IGFBPL1: variants seen among roughly 807,000 people sequenced by gnomAD.
IGFBPL1 encodes insulin-like growth factor-binding protein-like 1.
IGFBPL1 carries 20 observed loss-of-function variants against 23.9 expected under a neutral mutation model. That is an observed-to-expected ratio of 0.84 (90% CI 0.59 to 1.22). IGFBPL1 has a LOEUF of 1.22. Among genes scored for constraint, IGFBPL1 ranks in the 50% most tolerant of loss-of-function variants. The pLI, the probability that IGFBPL1 is intolerant of heterozygous loss-of-function variation, is 0.00. For missense variants in IGFBPL1, 436 were observed against 379.3 expected (o/e 1.15, Z -1.24); for synonymous variants, 184 against 171.8 (o/e 1.07, Z -0.56).
chr9:38,412,510 G>C (rs1385751492), intron 3 of IGFBPL1, among the ~76,000 whole-genome samples: 1 of 152,216 alleles, frequency 6.6e-6, no homozygotes, highest in Non-Finnish European at 1.5e-5. Context: ...AAGAGCTCTG[G>C]AGGAGGACTC....
Position 38,424,107 on chromosome 9 carries a change from G to A in IGFBPL1, c.318C>T (p.Cys106=), listed in dbSNP as rs112635150. 2.2e-6 allele frequency: 3 copies of A among 1,349,700 alleles called. No homozygotes were observed. The highest frequency in any genetic ancestry group is 2.9e-6 in the Non-Finnish European group (3 of 1,052,256). 83.6% of individuals were successfully genotyped at this position (1,349,700 alleles called of 1,614,324 possible). The change falls in exon 1 of 5, where the codon TGC becomes TGT. Residue 106 remains cysteine, a synonymous_variant. Transcript: ENST00000377694. Reference sequence around the variant, plus strand: ...AGACGGTGCCGCGCTGCGCGCACACGCAGAGCCCGGTGCCCTCGGGCGCTG... The same window carrying A: ...AGACGGTGCCGCGCTGCGCGCACACACAGAGCCCGGTGCCCTCGGGCGCTG... ...AGAAPEGTGL[C]VCAQRGTVCG... is the part of the protein sequence containing the mutation.
chr9:38,415,376 C>T (rs1221373332), intron 1 of IGFBPL1, among the ~76,000 whole-genome samples: 1 of 152,130 alleles, frequency 6.6e-6, no homozygotes, highest in African/African-American at 2.4e-5. Context: ...GATAAGGCTG[C>T]AATACAAAAG....
intron 3 of IGFBPL1, among the ~76,000 whole-genome samples, chr9:38,412,838 TCAGTCTG>T (rs1311037998): frequency 6.6e-6 from 1 of 152,178 alleles, no homozygotes; most frequent in Non-Finnish European, 1.5e-5. Flanking sequence ...TCGAATCACT[TCAGTCTG>T]CCTCTGACTC....
chr9:38,422,649 A>G (rs1821697351), intron 1 of IGFBPL1, among the ~76,000 whole-genome samples: 1 of 152,208 alleles, frequency 6.6e-6, no homozygotes, highest in Admixed American at 6.5e-5. Context: ...CAGCGGCAGC[A>G]CAGATGCACC....
intron 2 of IGFBPL1, 67 bp downstream of exon 2, chr9:38,414,025 CCT>C (rs72158244): frequency 0.28 from 243,383 of 883,678 alleles, 34,358 homozygotes; most frequent in African/African-American, 0.35. Context: ...TCTGTTTCTC[CCT>C]CTTTCTCACA....
chr9:38,416,863 G>T (rs1265047975), intron 1 of IGFBPL1, among the ~76,000 whole-genome samples: 6 of 147,648 alleles, frequency 4.1e-5, no homozygotes, highest in Non-Finnish European at 8.9e-5. Flanking sequence ...TTTTTTTTTT[G>T]TAGAGATGGG....
At chr9:38,418,897 A>AG (rs150420859) in intron 1 of IGFBPL1, among the ~76,000 whole-genome samples, 1,713 of 152,234 alleles carry the variant, frequency 0.011, 39 homozygotes, top group African/African-American at 0.039. Flanking sequence ...TCAAATGCCC[A>AG]GGGGTCTCGC....
rs1005580859 is a variant in IGFBPL1, at chr9:38,407,382, T to C, written c.*1845A>G. Among the ~76,000 whole-genome samples the C allele has an allele frequency of 2.0e-5, 3 of 152,230 alleles. No homozygotes were observed. Among genetic ancestry groups the C allele is most frequent in the Non-Finnish European group, 4.4e-5 (3 of 68,034 alleles). On this transcript the variant is annotated 3_prime_UTR_variant, in exon 5 of 5. Coordinates refer to ENST00000377694, the MANE Select transcript of IGFBPL1 (RefSeq NM_001007563.3). ...GGTCACACAGCGAGCCGGGGATTAA[T>C]ATGCAAATGGATCTCATGTTTCCAG...
In IGFBPL1 at chr9:38,413,326, C is replaced by T; in HGVS notation, c.598G>A (p.Ala200Thr). ...TGGTCCCCAGGCAGCTCCTCCAGTG[C>T]TTGGGTGCCCTCAGGGGACTTCGTG... The part of the protein sequence containing the change: ...KVTKSPEGTQ[A>T]LEELPGDHVN... Residue 200 changes from alanine (A) to threonine (T), a missense_variant, in exon 3 of 5, where the codon GCA becomes ACA. Physicochemically the swap from Ala to Thr is moderately conservative, Grantham distance 58. Transcript: ENST00000377694. 6.2e-7 allele frequency: 1 copy of T among 1,613,740 alleles called. No individual in the cohort carries two copies. Among genetic ancestry groups the T allele is most frequent in the Non-Finnish European group, 8.5e-7 (1 of 1,179,812 alleles).
chr9:38,411,544 G>A lies in IGFBPL1; in HGVS notation c.693C>T (p.Asn231=). The stretch of plus-strand genomic sequence containing the variant: ...CACCCTCATCCTCCTTTCGCAGGGG[G>A]TTGATCTAGAAATACAACAGGCAAG... ...DHEATAWILI[N]PLRKEDEGVY... is the part of the protein sequence containing the mutation. Residue 231 remains asparagine, a synonymous_variant, in exon 4 of 5, where the codon AAC becomes AAT. Coordinates refer to ENST00000377694, the MANE Select transcript of IGFBPL1 (RefSeq NM_001007563.3). 2 of 1,613,642 alleles carry A rather than the reference G, an allele frequency of 1.2e-6. No individual in the cohort carries two copies. Among genetic ancestry groups the A allele is most frequent in the South Asian group, 1.1e-5 (1 of 90,934 alleles).
Position 38,407,794 on chromosome 9 carries a change from C to T in IGFBPL1, c.*1433G>A, listed in dbSNP as rs1014345371. On this transcript the variant is annotated 3_prime_UTR_variant, in exon 5 of 5. Coordinates refer to ENST00000377694, the MANE Select transcript of IGFBPL1 (RefSeq NM_001007563.3). ...TCTGCTAAAGGCAGGGACATTAACA[C>T]CTGTCCTGCCCCATCTCCCAGAGTT... 5.3e-5 allele frequency among the ~76,000 whole-genome samples: 8 copies of T among 152,218 alleles called. No individual in the cohort carries two copies. The highest frequency in any genetic ancestry group is 1.9e-4 in the African/African-American group (8 of 41,460).
chr9:38,424,007 G>T lies in IGFBPL1; in HGVS notation c.418C>A (p.Pro140Thr). Reference protein sequence around the residue: ...LRARHTPRAHPGHLHKARDGP... With the variant: ...LRARHTPRAHTGHLHKARDGP... ...TCGCGCGCCTTGTGCAGGTGACCGG[G>T]GTGCGCGCGGGGCGTGTGCCGAGCG... is the stretch of plus-strand genomic sequence containing the variant. The change falls in exon 1 of 5, where the codon CCC (proline) becomes ACC (threonine). Residue 140 changes from proline to threonine, a missense_variant. Transcript: ENST00000377694. 1 of 1,409,740 alleles carries T rather than the reference G, an allele frequency of 7.1e-7. No homozygotes were observed. The highest frequency in any genetic ancestry group is 1.5e-5 in the South Asian group (1 of 65,138). The allele number at this position is 1,409,740 out of a possible 1,614,324, so 87.3% of individuals were successfully genotyped here. A position where few individuals can be genotyped will look rare whatever the true frequency, so the allele number is the denominator to read the frequency against.
intron 1 of IGFBPL1, among the ~76,000 whole-genome samples, chr9:38,422,193 G>A (rs891922163): frequency 6.6e-6 from 1 of 152,200 alleles, no homozygotes; most frequent in African/African-American, 2.4e-5. Context: ...GGACCAGGGA[G>A]CTGGTCATCC....
rs183712746 is a variant in IGFBPL1 at position 38,412,914 on chromosome 9, C to T, written c.687+323G>A. On this transcript the variant is annotated intron_variant, in intron 3 of 4. Transcript: ENST00000377694. ...CTTTAAATTGGCCCACCCGGATAAT[C>T]CAGGCTAATCTCCTTATCTTAAATC... is the stretch of plus-strand genomic sequence containing the variant. 4.9e-4 allele frequency among the ~76,000 whole-genome samples: 75 copies of T among 152,304 alleles called. 1 individual carries two copies. Among genetic ancestry groups the T allele is most frequent in the Admixed American group, 4.8e-3 (73 of 15,296 alleles).
intron 4 of IGFBPL1, 74 bp downstream of exon 4, chr9:38,411,317 T>C: frequency 7.6e-7 from 1 of 1,319,228 alleles, no homozygotes; most frequent in Non-Finnish European, 1.0e-6. Context: ...TTCTTTTTTT[T>C]ACAGGTCTTA....
intron 1 of IGFBPL1, among the ~76,000 whole-genome samples, chr9:38,417,739 A>G (rs1444567655): frequency 6.6e-6 from 1 of 152,226 alleles, no homozygotes; most frequent in Admixed American, 6.5e-5. Flanking sequence ...AGCCCTCCCC[A>G]TGGAGTCACA....
Position 38,424,370 on chromosome 9 carries a change from G to A in IGFBPL1, c.55C>T (p.Leu19=), listed in dbSNP as rs1455405031. Residue 19 remains leucine, a synonymous_variant, in exon 1 of 5, where the codon CTG becomes TTG. Transcript: ENST00000377694. ...PLLLLLLLPL[L]PPLSPSLGIR... is the part of the protein sequence containing the mutation. ...CCAAGGCTCGGGGACAGCGGCGGCAGCAGCGGCAGCAGCAGCAGAAGCAGC... is the reference window on the plus strand; with the variant it reads ...CCAAGGCTCGGGGACAGCGGCGGCAACAGCGGCAGCAGCAGCAGAAGCAGC... The A allele has an allele frequency of 5.8e-6, 4 of 687,236 alleles. No homozygotes were observed. The highest frequency in any genetic ancestry group is 1.7e-5 in the South Asian group (1 of 59,050). The allele number at this position is 687,236 out of a possible 1,614,324, so 42.6% of individuals were successfully genotyped here.
At position 38,424,150 on chromosome 9, in the gene IGFBPL1, G is replaced by T; in HGVS notation, c.275C>A (p.Ala92Glu). The change falls in exon 1 of 5, where the codon GCG (alanine) becomes GAG (glutamate). Residue 92 changes from alanine (A) to glutamate (E), a missense_variant. Physicochemically the swap from Ala to Glu is moderately radical, Grantham distance 107. Coordinates refer to ENST00000377694, the MANE Select transcript of IGFBPL1 (RefSeq NM_001007563.3). The stretch of plus-strand genomic sequence containing the variant: ...GGGCGCTGCCCCAGCGGCCTGGCTC[G>T]CGCATACCAGGCCGGGGCCACAGCG... ...GGRCGPGLVC[A>E]SQAAGAAPEG... 8.2e-7 allele frequency: 1 copy of T among 1,217,130 alleles called. No homozygotes were observed. Among genetic ancestry groups the T allele is most frequent in the Non-Finnish European group, 1.0e-6 (1 of 978,546 alleles). 75.4% of individuals were successfully genotyped at this position (1,217,130 alleles called of 1,614,324 possible).
intron 4 of IGFBPL1, 140 bp downstream of exon 4, chr9:38,411,251 T>C: frequency 1.5e-6 from 1 of 663,542 alleles, no homozygotes. Flanking sequence ...CTCATCTAAG[T>C]ATGTCCCTAC....
Sources: allele counts gnomAD v4.1 joint callset (sites outside exome capture counted in the v4.1 genomes callset), GRCh38; gene constraint gnomAD v4.1.1; transcripts MANE v1.5; gene names NCBI Gene and HGNC (gene_info 2026-07-23, HGNC 2026-07-21).